PCDHGB3: variants seen among roughly 807,000 people sequenced by gnomAD.
PCDHGB3 encodes the protein protocadherin gamma-B3.
A neutral mutation model predicts 59.2 loss-of-function variants in PCDHGB3; 40 were observed. That is an observed-to-expected ratio of 0.68 (90% confidence interval 0.52 to 0.88). PCDHGB3 has a LOEUF of 0.88. Among genes scored for constraint, PCDHGB3 ranks in the 40% least tolerant of loss-of-function variants. PCDHGB3 has a pLI of 0.00. For synonymous variants in PCDHGB3, 581 were observed against 503.6 expected (o/e 1.15, Z -2.06); for missense variants, 1,309 against 1,187.9 (o/e 1.10, Z -1.50).
intron 1 of PCDHGB3, among the ~76,000 whole-genome samples, chr5:141,456,276 C>T (rs1319517390): frequency 1.3e-5 from 2 of 152,146 alleles, no homozygotes; most frequent in South Asian, 4.1e-4. Flanking sequence ...CTACTTCCTG[C>T]TGAAAAGGGG....
chr5:141,409,312 AAC>A (rs762706827), intron 1 of PCDHGB3: 39 of 1,613,880 alleles, frequency 2.4e-5, no homozygotes, highest in Admixed American at 1.7e-4. Flanking sequence ...CCCTCTTCAA[AAC>A]ACGGGATCTG....
chr5:141,494,891 C>G, intron 2 of PCDHGB3, 26 bp downstream of exon 2: 1 of 1,614,098 alleles, frequency 6.2e-7, no homozygotes. Flanking sequence ...TCCAGCCCAC[C>G]CTCTTCTCTG....
chr5:141,485,341 G>C lies in PCDHGB3; in HGVS notation c.2416-9466G>C. 1.2e-6 allele frequency: 2 copies of C among 1,614,118 alleles called. No homozygotes were observed. Among genetic ancestry groups the C allele is most frequent in the Non-Finnish European group, 8.5e-7 (1 of 1,180,022 alleles). ...TCGCTCAAGATTTCCTGCTGGATAC[G>C]GACAGTCTGTCAGCTCGCAGGCTGC... On this transcript the variant is annotated intron_variant, in intron 1 of 3. Coordinates refer to ENST00000576222, the MANE Select transcript of PCDHGB3 (RefSeq NM_018924.5). The surrounding 1 kb of genome is among the most constrained non-coding windows in gnomAD (Gnocchi z 5.7).
chr5:141,490,257 T>C lies in PCDHGB3; in HGVS notation c.2416-4550T>C, dbSNP rs2099697852. On this transcript the variant is annotated intron_variant, in intron 1 of 3. Coordinates refer to ENST00000576222, the MANE Select transcript of PCDHGB3 (RefSeq NM_018924.5). The surrounding 1 kb of genome is among the most constrained non-coding windows in gnomAD (Gnocchi z 5.4). ...AGGGCCACTGTGTGATTCAAGTGGATGTGGGGGATGTCAATGACAATGCCC... is the reference window on the plus strand; with the variant it reads ...AGGGCCACTGTGTGATTCAAGTGGACGTGGGGGATGTCAATGACAATGCCC... The C allele has an allele frequency of 6.2e-7, 1 of 1,614,208 alleles. No individual in the cohort carries two copies. Among genetic ancestry groups the C allele is most frequent in the South Asian group, 1.1e-5 (1 of 91,078 alleles).
chr5:141,414,280 G>C, intron 1 of PCDHGB3: 5 of 1,613,604 alleles, frequency 3.1e-6, no homozygotes, highest in Non-Finnish European at 4.2e-6. Context: ...TCTGGGAACA[G>C]TCGTAGCCCT....
intron 1 of PCDHGB3, chr5:141,374,290 A>G: frequency 6.2e-7 from 1 of 1,613,934 alleles, no homozygotes; most frequent in South Asian, 1.1e-5. Context: ...TCGTCTCCAG[A>G]GGTAGGATGC....
Position 141,490,672 on chromosome 5 carries a change from G to T in PCDHGB3, c.2416-4135G>T. The T allele has an allele frequency of 6.2e-7, 1 of 1,614,114 alleles. No homozygotes were observed. Among genetic ancestry groups the T allele is most frequent in the Non-Finnish European group, 8.5e-7 (1 of 1,179,996 alleles). ...GGGCTCCCTTCTTTGCACTGTGGCT[G>T]CCTCAGATCCAGACACTGGGGATAA... On this transcript the variant is annotated intron_variant, in intron 1 of 3. Coordinates refer to ENST00000576222, the MANE Select transcript of PCDHGB3 (RefSeq NM_018924.5). The surrounding 1 kb of genome is among the most constrained non-coding windows in gnomAD (Gnocchi z 5.4).
rs2099745591 is a variant in PCDHGB3, at chr5:141,492,999, T to C, written c.2416-1808T>C. Among the ~76,000 whole-genome samples, 3 of 152,350 alleles carry C rather than the reference T, an allele frequency of 2.0e-5. No homozygotes were observed. In the South Asian group the frequency reaches 6.2e-4, roughly 32 times the overall value. ...CTGTCTCCTCTGGCAGATGGAAAGCTATAGGCTCTGCCAGATGCCAGGGTG... is the reference window on the plus strand; with the variant it reads ...CTGTCTCCTCTGGCAGATGGAAAGCCATAGGCTCTGCCAGATGCCAGGGTG... On this transcript the variant is annotated intron_variant, in intron 1 of 3. Coordinates refer to ENST00000576222, the MANE Select transcript of PCDHGB3 (RefSeq NM_018924.5).
intron 1 of PCDHGB3, chr5:141,424,160 C>A (rs187420643): frequency 6.3e-4 from 172 of 273,324 alleles, no homozygotes; most frequent in South Asian, 2.2e-3. Flanking sequence ...CTCTCCTTCT[C>A]ATCTATCTAT....
rs138149681 is a variant in PCDHGB3, at chr5:141,486,735, G to A, written c.2416-8072G>A. Reference sequence around the variant, plus strand: ...CAGACAGGAGCTGTTCATGCTACTCGATCCTTTGACTATGAGCAAACCCAG... The same window carrying A: ...CAGACAGGAGCTGTTCATGCTACTCAATCCTTTGACTATGAGCAAACCCAG... On this transcript the variant is annotated intron_variant, in intron 1 of 3. Transcript: ENST00000576222. The surrounding 1 kb of genome is among the most constrained non-coding windows in gnomAD (Gnocchi z 5.0). 3.1e-4 allele frequency: 502 copies of A among 1,614,174 alleles called. 1 individual carries two copies. Among genetic ancestry groups the A allele is most frequent in the South Asian group, 1.8e-3 (161 of 91,086 alleles).
chr5:141,391,198 C>T (rs2092314570), intron 1 of PCDHGB3: 1 of 152,156 alleles, frequency 6.6e-6, no homozygotes, highest in South Asian at 2.1e-4. Context: ...AAAATATATA[C>T]AAAATACCAA....
rs914637211 is a variant in PCDHGB3, at chr5:141,422,245, G to C, written c.2415+49436G>C. The C allele has an allele frequency of 2.2e-5, 34 of 1,566,540 alleles. No individual in the cohort carries two copies. Among genetic ancestry groups the C allele is most frequent in the Non-Finnish European group, 2.8e-5 (32 of 1,162,588 alleles). On this transcript the variant is annotated intron_variant, in intron 1 of 3. Coordinates refer to ENST00000576222, the MANE Select transcript of PCDHGB3 (RefSeq NM_018924.5). ...CACGACGATGTTGATCACTGTTGTG[G>C]ATGTGAATGATAACGCTCCAGAAAT...
chr5:141,458,556 T>C (rs1424881453), intron 1 of PCDHGB3, among the ~76,000 whole-genome samples: 1 of 145,670 alleles, frequency 6.9e-6, no homozygotes, highest in Non-Finnish European at 1.5e-5. Flanking sequence ...TTGTTTGTTT[T>C]GGTTTTGGGT....
Position 141,404,830 on chromosome 5 carries a change from G to A in PCDHGB3, c.2415+32021G>A, listed in dbSNP as rs775106144. The A allele has an allele frequency of 3.7e-6, 6 of 1,613,932 alleles. No individual in the cohort carries two copies. In the East Asian group the frequency reaches 1.3e-4, roughly 36 times the overall value. ...CGGTGGGGCTGCACACAGGTGAAGT[G>A]CGCACAGCTCGGGCCCTGCTAGATA... On this transcript the variant is annotated intron_variant, in intron 1 of 3. Coordinates refer to ENST00000576222, the MANE Select transcript of PCDHGB3 (RefSeq NM_018924.5).
In PCDHGB3 at chr5:141,388,846, A is replaced by G. The variant is rs758753526; in HGVS notation, c.2415+16037A>G. ...TATTCCATAGTTTTGGAAGCAAGGG[A>G]CGGTGGAGGAATGATTGCGCAATGC... On this transcript the variant is annotated intron_variant, in intron 1 of 3. Coordinates refer to ENST00000576222, the MANE Select transcript of PCDHGB3 (RefSeq NM_018924.5). The G allele has an allele frequency of 5.6e-6, 9 of 1,613,870 alleles. No homozygotes were observed. In the East Asian group the frequency reaches 2.0e-4, roughly 36 times the overall value.
At chr5:141,378,585 G>A (rs758641960) in intron 1 of PCDHGB3, 1 of 152,188 alleles carries the variant, frequency 6.6e-6, no homozygotes, top group South Asian at 2.1e-4. Flanking sequence ...ATGCTCGGTA[G>A]TGTCTGCTTA....
At chr5:141,420,887 G>C (rs2096530920) in intron 1 of PCDHGB3, among the ~76,000 whole-genome samples, 1 of 152,204 alleles carries the variant, frequency 6.6e-6, no homozygotes, top group African/African-American at 2.4e-5. Context: ...GTGTATCATC[G>C]TTTTTAAGCT....
intron 1 of PCDHGB3, among the ~76,000 whole-genome samples, chr5:141,481,105 T>C (rs1357970765): frequency 6.6e-6 from 1 of 152,188 alleles, no homozygotes; most frequent in Non-Finnish European, 1.5e-5. Flanking sequence ...CTCTGGAACC[T>C]ACCAATCCAT....
At chr5:141,466,983 C>A (rs2099133398) in intron 1 of PCDHGB3, among the ~76,000 whole-genome samples, 1 of 151,884 alleles carries the variant, frequency 6.6e-6, no homozygotes, top group African/African-American at 2.4e-5. Context: ...TCATCATTTA[C>A]CTTTTGGCAT....
Sources: allele counts gnomAD v4.1 joint callset (sites outside exome capture counted in the v4.1 genomes callset), GRCh38; gene constraint gnomAD v4.1.1; non-coding constraint Gnocchi (gnomAD v3.1); transcripts MANE v1.5; gene names NCBI Gene and HGNC (gene_info 2026-07-23, HGNC 2026-07-21).